The following VSTM1 variants were observed in gnomAD, a reference collection of about 807,000 sequenced individuals.
VSTM1 encodes the protein V-set and transmembrane domain containing 1, also known as V-set and transmembrane domain-containing protein 1.
A neutral mutation model predicts 33.1 loss-of-function variants in VSTM1; 27 were observed. The ratio of observed to expected loss-of-function variants is 0.82; its 90% confidence interval spans 0.60 to 1.12. The LOEUF is 1.12. VSTM1 is among the 50% of genes most tolerant of loss of function. The pLI, the probability that VSTM1 is intolerant of heterozygous loss-of-function variation, is 0.00. For synonymous variants in VSTM1, 115 were observed against 110.3 expected (o/e 1.04, Z -0.27); for missense variants, 304 against 288.9 (o/e 1.05, Z -0.38).
At position 54,042,475 on chromosome 19, in the gene VSTM1, G is replaced by A. The variant is rs145864712; in HGVS notation, c.395-106C>T. On this transcript the variant is annotated intron_variant, in intron 4 of 8. Transcript: ENST00000338372. ...GCCAGACAGATGGCCTGGCTTCCAA[G>A]CCTGGATCTCCCACCTCGGAGCTGG... 4,294 of 1,457,738 alleles carry A rather than the reference G, an allele frequency of 2.9e-3. 14 individuals are homozygous for A. Among genetic ancestry groups the A allele is most frequent in the Middle Eastern group, 0.011 (42 of 3,922 alleles). The allele number at this position is 1,457,738 out of a possible 1,614,324, so 90.3% of individuals were successfully genotyped here.
intron 6 of VSTM1, 92 bp downstream of exon 6, chr19:54,042,077 G>A: frequency 2.5e-6 from 4 of 1,604,998 alleles, no homozygotes; most frequent in South Asian, 2.2e-5. Flanking sequence ...GGGCTGGGGT[G>A]GGGGCTCAGG....
At chr19:54,051,380 G>A (rs753290949) in intron 4 of VSTM1, 30 bp downstream of exon 4, 1 of 1,584,474 alleles carries the variant, frequency 6.3e-7, no homozygotes, top group East Asian at 2.3e-5. Flanking sequence ...GATCTCATTG[G>A]GAAAAACATC....
chr19:54,058,358 T>C lies in VSTM1; in HGVS notation c.303A>G (p.Thr101=), dbSNP rs1309923986. ...TGCTTTCTGACCACTCATGGGAGGC[T>C]GTTGTCTTGTAGGCACAAAAGTACC... ...AGRYFCAYKT[T]ASHEWSESSE... Residue 101 remains threonine (T), a synonymous_variant, in exon 3 of 9, where the codon ACA becomes ACG. Transcript: ENST00000338372. 2 of 1,614,026 alleles carry C rather than the reference T, an allele frequency of 1.2e-6. No individual in the cohort carries two copies. Among genetic ancestry groups the C allele is most frequent in the African/African-American group, 1.3e-5 (1 of 74,918 alleles).
Position 54,051,294 on chromosome 19 carries a change from A to AAAAC in VSTM1, c.394+112_394+115dup, listed in dbSNP as rs769141344. On this transcript the variant is annotated intron_variant, in intron 4 of 8. Coordinates refer to ENST00000338372, the MANE Select transcript of VSTM1 (RefSeq NM_198481.4). ...GTGACAAAGCGAGACTCTATCTCAAAAAACAAACAAACAAACAAACAAACA... is the reference window on the plus strand; with the variant it reads ...GTGACAAAGCGAGACTCTATCTCAAAAAACAAACAAACAAACAAACAAACAAACA... The AAAAC allele has an allele frequency of 1.0e-3, 1,013 of 1,014,986 alleles. 6 individuals carry two copies. The highest frequency in any genetic ancestry group is 8.9e-3 in the African/African-American group (525 of 59,244). The allele number at this position is 1,014,986 out of a possible 1,614,324, so 62.9% of individuals were successfully genotyped here.
chr19:54,056,331 C>A (rs1470419687), intron 3 of VSTM1, among the ~76,000 whole-genome samples: 1 of 130,966 alleles, frequency 7.6e-6, no homozygotes, highest in Admixed American at 8.3e-5. Flanking sequence ...AAGCAATTCT[C>A]GTGCCTCAGC....
At chr19:54,041,565 T>C (rs1389436838) in intron 8 of VSTM1, among the ~76,000 whole-genome samples, 1 of 152,102 alleles carries the variant, frequency 6.6e-6, no homozygotes, top group Non-Finnish European at 1.5e-5. Context: ...CCTCCCAAAG[T>C]GCTGGGATTA....
chr19:54,053,970 T>G (rs2070967475), intron 3 of VSTM1, among the ~76,000 whole-genome samples: 1 of 142,564 alleles, frequency 7.0e-6, no homozygotes, highest in African/African-American at 2.6e-5. Flanking sequence ...AGTATCTGAA[T>G]TTGTAGGGTG....
chr19:54,047,244 GCTGT>G (rs1455208983), intron 4 of VSTM1, among the ~76,000 whole-genome samples: 1 of 151,926 alleles, frequency 6.6e-6, no homozygotes, highest in Non-Finnish European at 1.5e-5. Flanking sequence ...TCACACTAAT[GCTGT>G]CTAAGAGCCT....
intron 1 of VSTM1, among the ~76,000 whole-genome samples, chr19:54,059,942 G>A (rs2071310470): frequency 6.6e-6 from 1 of 151,550 alleles, no homozygotes; most frequent in African/African-American, 2.4e-5. Flanking sequence ...CTGCCTCCCG[G>A]GTTCACGCCA....
At chr19:54,041,446 C>T (rs1243032740) in intron 8 of VSTM1, among the ~76,000 whole-genome samples, 9 of 151,944 alleles carry the variant, frequency 5.9e-5, no homozygotes, top group Admixed American at 1.3e-4. Context: ...GGATTACAGG[C>T]GCCCACTACC....
At chr19:54,052,275 G>A (rs1460426805) in intron 3 of VSTM1, among the ~76,000 whole-genome samples, 6 of 149,322 alleles carry the variant, frequency 4.0e-5, no homozygotes, top group African/African-American at 1.5e-4. Context: ...GCGGGCCCCT[G>A]TAGTCCCAGC....
chr19:54,045,689 G>C (rs147876552), intron 4 of VSTM1, among the ~76,000 whole-genome samples: 13 of 151,560 alleles, frequency 8.6e-5, no homozygotes, highest in Middle Eastern at 3.5e-3. Flanking sequence ...ATTCTATCTA[G>C]TTATCTATCT....
At position 54,043,681 on chromosome 19, in the gene VSTM1, G is replaced by C. The variant is rs1490396506; in HGVS notation, c.395-1312C>G. Among the ~76,000 whole-genome samples the C allele has an allele frequency of 2.9e-4, 44 of 152,144 alleles. 2 individuals are homozygous for C. The highest frequency in any genetic ancestry group is 1.5e-5 in the Non-Finnish European group (1 of 68,028). ...CCTGCCTCGGCCTCCCAAAGTGCTG[G>C]GATTACAGGCGTGAGCCACCACACC... is the stretch of plus-strand genomic sequence containing the variant. On this transcript the variant is annotated intron_variant, in intron 4 of 8. Coordinates refer to ENST00000338372, the MANE Select transcript of VSTM1 (RefSeq NM_198481.4).
At chr19:54,041,746 G>A (rs1322691804) in intron 8 of VSTM1, 33 bp downstream of exon 8, 3 of 1,609,228 alleles carry the variant, frequency 1.9e-6, no homozygotes, top group Non-Finnish European at 2.5e-6. Context: ...TGGTGAGGGA[G>A]CTCTTGTGGG....
At position 54,063,623 on chromosome 19, in the gene VSTM1, C is replaced by A. The variant is rs540710519; in HGVS notation, c.34+121G>T. On this transcript the variant is annotated intron_variant, in intron 1 of 8. Transcript: ENST00000338372. ...GAACCCACAGCCCAGACCCACCCAC[C>A]GCAGGTGTGCAACACCTGGAAGTCA... 2.1e-4 allele frequency: 267 copies of A among 1,245,500 alleles called. 1 individual carries two copies. In the African/African-American group the frequency reaches 3.7e-3, roughly 17 times the overall value. The allele number at this position is 1,245,500 out of a possible 1,614,324, so 77.2% of individuals were successfully genotyped here.
intron 1 of VSTM1, among the ~76,000 whole-genome samples, chr19:54,059,832 A>G (rs1285731532): frequency 6.9e-6 from 1 of 143,902 alleles, no homozygotes; most frequent in Admixed American, 7.1e-5. Flanking sequence ...TCGTGGAGTG[A>G]GAGTGGTGGG....
intron 8 of VSTM1, among the ~76,000 whole-genome samples, chr19:54,041,553 G>A (rs917835289): frequency 1.2e-4 from 18 of 152,034 alleles, no homozygotes; most frequent in Non-Finnish European, 2.5e-4. Flanking sequence ...CGCCCGCCTC[G>A]GCCTCCCAAA....
At chr19:54,058,639 G>T in intron 2 of VSTM1, 49 bp from the exon 3 acceptor site, 1 of 1,613,664 alleles carries the variant, frequency 6.2e-7, no homozygotes, top group Non-Finnish European at 8.5e-7. Flanking sequence ...GACGATTAAA[G>T]GAAAAGGTCA....
Position 54,058,899 on chromosome 19 carries a change from TATA to T in VSTM1, c.35-170_35-168del, listed in dbSNP as rs1318715612. On this transcript the variant is annotated intron_variant, in intron 1 of 8. Coordinates refer to ENST00000338372, the MANE Select transcript of VSTM1 (RefSeq NM_198481.4). The stretch of plus-strand genomic sequence containing the variant: ...ATTAAGTATATGTACACATATTACA[TATA>T]ATACATATATAAATATAATATATAT... Among the ~76,000 whole-genome samples, 5 of 148,104 alleles carry T rather than the reference TATA, an allele frequency of 3.4e-5. No homozygotes were observed. In the East Asian group the frequency reaches 5.8e-4, roughly 17 times the overall value.
Sources: allele counts gnomAD v4.1 joint callset (sites outside exome capture counted in the v4.1 genomes callset), GRCh38; gene constraint gnomAD v4.1.1; transcripts MANE v1.5; gene names NCBI Gene and HGNC (gene_info 2026-07-23, HGNC 2026-07-21).